Variants in LRRC37A2 observed in about 807,000 individuals in gnomAD.
LRRC37A2 encodes the protein leucine rich repeat containing 37 member A2.
A neutral mutation model predicts 68.8 loss-of-function variants in LRRC37A2; 9 were observed. The observed-to-expected ratio is 0.13, with a 90% CI of 0.08 to 0.23. The LOEUF (loss-of-function observed/expected upper bound fraction) is 0.23. Among genes scored for constraint, LRRC37A2 ranks in the 10% least tolerant of loss-of-function variants. The pLI is 1.00. For synonymous variants in LRRC37A2, 63 were observed against 367.6 expected (o/e 0.17, Z 9.48); for missense variants, 168 against 950.4 (o/e 0.18, Z 10.82).
chr17:47,023,352 A>C, the LRRC37A2 span, among the ~76,000 whole-genome samples: 1 of 152,222 alleles, frequency 6.6e-6, no homozygotes, highest in Non-Finnish European at 1.5e-5. Context: ...TCACATCATT[A>C]TTTCAATGTA....
At chr17:46,772,771 A>G in the LRRC37A2 span, among the ~76,000 whole-genome samples, 2 of 151,106 alleles carry the variant, frequency 1.3e-5, no homozygotes, top group Non-Finnish European at 2.9e-5. Flanking sequence ...TTCCCCCCCA[A>G]CCCCACCCAG....
the LRRC37A2 span, among the ~76,000 whole-genome samples, chr17:46,766,262 G>A: frequency 6.6e-6 from 1 of 152,134 alleles, no homozygotes; most frequent in Non-Finnish European, 1.5e-5. Flanking sequence ...AAAAAAATTA[G>A]CCGATCGTGG....
the LRRC37A2 span, among the ~76,000 whole-genome samples, chr17:46,974,457 G>A: frequency 1.3e-5 from 2 of 152,200 alleles, no homozygotes; most frequent in Middle Eastern, 3.2e-3. Context: ...CATCTCCGCC[G>A]GGCGCGGTGG....
At chr17:46,389,169 T>C in the LRRC37A2 span, among the ~76,000 whole-genome samples, 359 of 150,754 alleles carry the variant, frequency 2.4e-3, 5 homozygotes, top group African/African-American at 8.6e-3. Context: ...TACTCCAGCC[T>C]GGGCAACAGG....
chr17:47,019,590 A>G, the LRRC37A2 span: 7,707 of 1,464,438 alleles, frequency 5.3e-3, 73 homozygotes, highest in South Asian at 0.025. Flanking sequence ...GCTAGAACCT[A>G]GTCAGGATTC....
the LRRC37A2 span, among the ~76,000 whole-genome samples, chr17:46,896,579 T>C: frequency 6.6e-6 from 1 of 152,136 alleles, no homozygotes; most frequent in African/African-American, 2.4e-5. Context: ...GAGATCAGCC[T>C]AGGTGACAGA....
At chr17:46,952,036 G>T in the LRRC37A2 span, among the ~76,000 whole-genome samples, 1 of 152,158 alleles carries the variant, frequency 6.6e-6, no homozygotes, top group Non-Finnish European at 1.5e-5. Context: ...TTGCATCAGG[G>T]AGAGGGGGAG....
the LRRC37A2 span, among the ~76,000 whole-genome samples, chr17:46,823,128 TTA>T: frequency 4.6e-4 from 61 of 132,722 alleles, 3 homozygotes; most frequent in East Asian, 1.8e-3. Context: ...ATATTATATA[TTA>T]TATATATTAT....
At chr17:46,901,860 G>A in the LRRC37A2 span, among the ~76,000 whole-genome samples, 4 of 145,906 alleles carry the variant, frequency 2.7e-5, no homozygotes, top group South Asian at 2.1e-4. Flanking sequence ...AGGCTGGAGC[G>A]CAATGGCGCA....
chr17:46,957,172 GCAT>G, the LRRC37A2 span, among the ~76,000 whole-genome samples: 1 of 152,190 alleles, frequency 6.6e-6, no homozygotes, highest in Admixed American at 6.5e-5. Context: ...AGGCACAGTG[GCAT>G]GTGCCTGTAG....
chr17:46,789,477 C>G, the LRRC37A2 span, among the ~76,000 whole-genome samples: 1 of 152,198 alleles, frequency 6.6e-6, no homozygotes, highest in Non-Finnish European at 1.5e-5. Flanking sequence ...AAGCCTCCAC[C>G]AGAAGTGTGA....
At chr17:46,945,875 C>T in the LRRC37A2 span, among the ~76,000 whole-genome samples, 4 of 152,286 alleles carry the variant, frequency 2.6e-5, no homozygotes, top group East Asian at 3.9e-4. Flanking sequence ...AACCCCTGAT[C>T]GCTGCCGGGT....
chr17:46,712,492 G>T, the LRRC37A2 span, among the ~76,000 whole-genome samples: 1 of 152,206 alleles, frequency 6.6e-6, no homozygotes, highest in Non-Finnish European at 1.5e-5. Flanking sequence ...TGTTTACTAA[G>T]ATTGGGAACA....
the LRRC37A2 span, among the ~76,000 whole-genome samples, chr17:46,750,374 A>G: frequency 1.1e-4 from 16 of 152,330 alleles, no homozygotes; most frequent in Non-Finnish European, 2.1e-4. Flanking sequence ...GCCTAGGACC[A>G]GAAGTGTTTC....
chr17:47,045,301 GC>G, the LRRC37A2 span, among the ~76,000 whole-genome samples: 16 of 144,344 alleles, frequency 1.1e-4, no homozygotes, highest in African/African-American at 4.0e-4. Context: ...CCCCAATAAA[GC>G]CATCCTTTTG....
At chr17:46,978,444 T>TGCA in the LRRC37A2 span, 1 of 562,816 alleles carries the variant, frequency 1.8e-6, no homozygotes, top group Admixed American at 3.9e-5. Flanking sequence ...CCCGCAACGC[T>TGCA]GCAGCGCACA....
chr17:46,950,015 A>G, the LRRC37A2 span, among the ~76,000 whole-genome samples: 1 of 152,244 alleles, frequency 6.6e-6, no homozygotes, highest in Non-Finnish European at 1.5e-5. Flanking sequence ...AATTGGAGTG[A>G]GCAGTGTGTG....
the LRRC37A2 span, chr17:47,021,991 T>C: frequency 7.3e-7 from 1 of 1,369,922 alleles, no homozygotes; most frequent in Non-Finnish European, 1.0e-6. Context: ...TCCAGCATTT[T>C]GAGGTCGGTA....
the LRRC37A2 span, chr17:46,875,439 G>A: frequency 6.8e-7 from 1 of 1,472,748 alleles, no homozygotes; most frequent in Admixed American, 2.6e-5. Flanking sequence ...CTTGAAGGAG[G>A]CCAGCACCCC....
Sources: gnomAD v4.1 joint callset for allele counts (sites outside exome capture counted in the v4.1 genomes callset) on GRCh38, gnomAD v4.1.1 for gene constraint, MANE v1.5 for transcripts, NCBI Gene and HGNC (gene_info 2026-07-23, HGNC 2026-07-21) for gene names.